Variants in EYS observed in about 807,000 individuals in gnomAD.
EYS encodes protein eyes shut homolog.
EYS carries 250 observed loss-of-function variants against 282.1 expected under a neutral mutation model. The observed-to-expected ratio is 0.89, with a 90% CI of 0.80 to 0.98. EYS has a LOEUF of 0.98. Ranked by LOEUF, EYS falls within the 50% of genes least tolerant of loss-of-function variation. EYS has a pLI of 0.00. For synonymous variants in EYS, 1,355 were observed against 1,282.9 expected (o/e 1.06, Z -1.20); for missense variants, 4,016 against 3,709.0 (o/e 1.08, Z -2.15).
At chr6:64,397,747 G>C (rs967452777) in intron 28 of EYS, among the ~76,000 whole-genome samples, 2 of 151,722 alleles carry the variant, frequency 1.3e-5, no homozygotes, top group Admixed American at 1.3e-4. Context: ...TCCATTCTCT[G>C]TTTTCTACTT....
At chr6:64,081,615 A>T (rs1771970975) in intron 32 of EYS, among the ~76,000 whole-genome samples, 1 of 152,192 alleles carries the variant, frequency 6.6e-6, no homozygotes, top group Admixed American at 6.6e-5. Context: ...TGTCAAATTC[A>T]TATGCTTGCT....
intron 14 of EYS, among the ~76,000 whole-genome samples, chr6:64,977,988 G>A (rs2150114772): frequency 6.6e-6 from 1 of 152,004 alleles, no homozygotes; most frequent in South Asian, 2.1e-4. Context: ...AGCAGCAAGT[G>A]ACAATAGAAG....
chr6:64,987,264 T>C (rs552404018), intron 14 of EYS, among the ~76,000 whole-genome samples: 5 of 151,588 alleles, frequency 3.3e-5, no homozygotes, highest in African/African-American at 9.6e-5. Flanking sequence ...CAGATAAGCA[T>C]TGGCTGGGTG....
chr6:65,496,601 T>C (rs1459756424), intron 2 of EYS, among the ~76,000 whole-genome samples: 2 of 152,034 alleles, frequency 1.3e-5, no homozygotes, highest in East Asian at 1.9e-4. Context: ...CACTTTCAAA[T>C]AGGTACACCA....
chr6:65,641,710 T>G (rs992689802), intron 1 of EYS, among the ~76,000 whole-genome samples: 2 of 152,184 alleles, frequency 1.3e-5, no homozygotes, highest in African/African-American at 4.8e-5. Flanking sequence ...AGCTATGAGG[T>G]CTATGCAATG....
At chr6:64,687,289 T>C (rs1032285419) in intron 22 of EYS, among the ~76,000 whole-genome samples, 1 of 152,122 alleles carries the variant, frequency 6.6e-6, no homozygotes, top group African/African-American at 2.4e-5. Context: ...TAAAAATTAT[T>C]ATATTAGAAA....
intron 36 of EYS, among the ~76,000 whole-genome samples, chr6:63,841,745 G>A (rs914484745): frequency 6.6e-6 from 1 of 152,100 alleles, no homozygotes; most frequent in African/African-American, 2.4e-5. Flanking sequence ...TTCTCCTAAT[G>A]CTATCCCTCC....
In EYS at chr6:64,018,557, C is replaced by T. The variant is rs186818908; in HGVS notation, c.6726-19374G>A. ...CTCAATTGAAATTTGATTTTGGTAACATTTTTGGTTTTCATATGCTGATGT... is the reference window on the plus strand; with the variant it reads ...CTCAATTGAAATTTGATTTTGGTAATATTTTTGGTTTTCATATGCTGATGT... On this transcript the variant is annotated intron_variant, in intron 33 of 42. Coordinates refer to ENST00000503581, the MANE Select transcript of EYS (RefSeq NM_001142800.2). Among the ~76,000 whole-genome samples the T allele has an allele frequency of 1.8e-3, 271 of 152,154 alleles. 4 individuals are homozygous for T. The Middle Eastern group carries it at 0.027, about 15-fold the overall frequency.
chr6:64,858,341 A>G (rs764932678), intron 19 of EYS, among the ~76,000 whole-genome samples: 1 of 152,100 alleles, frequency 6.6e-6, no homozygotes, highest in African/African-American at 2.4e-5. Context: ...AGCATCACTG[A>G]TTGGGGAGAC....
intron 32 of EYS, 41 bp from the exon 33 acceptor site, chr6:64,066,532 T>C: frequency 7.6e-7 from 1 of 1,308,610 alleles, no homozygotes. Context: ...ATTGTAGATT[T>C]ATATTTTATT....
At chr6:64,274,490 T>TTTTG (rs979851816) in intron 30 of EYS, among the ~76,000 whole-genome samples, 2 of 149,084 alleles carry the variant, frequency 1.3e-5, no homozygotes, top group African/African-American at 2.5e-5. Context: ...CGTTTTTTTT[T>TTTTG]TTTTTTTTTT....
intron 19 of EYS, among the ~76,000 whole-genome samples, chr6:64,826,354 TG>T (rs975876853): frequency 3.9e-5 from 6 of 151,976 alleles, no homozygotes; most frequent in Admixed American, 1.3e-4. Context: ...CAATAGTTTA[TG>T]TTTGAAATAA....
At chr6:64,545,170 C>T (rs913699015) in intron 26 of EYS, among the ~76,000 whole-genome samples, 8 of 152,148 alleles carry the variant, frequency 5.3e-5, no homozygotes, top group Non-Finnish European at 1.2e-4. Flanking sequence ...AGCTTATCCA[C>T]CATGATCAAG....
At chr6:64,126,395 C>G (rs1582307912) in intron 31 of EYS, among the ~76,000 whole-genome samples, 1 of 151,938 alleles carries the variant, frequency 6.6e-6, no homozygotes, top group Middle Eastern at 3.4e-3. Context: ...ATCAGTTTTC[C>G]TCTCAAGTCT....
chr6:65,122,722 G>A (rs1407379921), intron 12 of EYS, among the ~76,000 whole-genome samples: 1 of 151,984 alleles, frequency 6.6e-6, no homozygotes, highest in Non-Finnish European at 1.5e-5. Context: ...TAATTTTTGA[G>A]TCAAGTTTTC....
intron 13 of EYS, among the ~76,000 whole-genome samples, chr6:65,042,575 T>C (rs1336640712): frequency 6.6e-6 from 1 of 151,482 alleles, no homozygotes; most frequent in Non-Finnish European, 1.5e-5. Context: ...ACTACACATA[T>C]AAGAATTTTA....
chr6:64,901,745 A>G (rs962437622), intron 18 of EYS, among the ~76,000 whole-genome samples: 2 of 152,134 alleles, frequency 1.3e-5, no homozygotes, highest in Non-Finnish European at 2.9e-5. Context: ...TTAATATTAA[A>G]TATTGTATAA....
At chr6:64,493,166 C>A (rs1319922402) in intron 26 of EYS, among the ~76,000 whole-genome samples, 1 of 151,264 alleles carries the variant, frequency 6.6e-6, no homozygotes, top group Non-Finnish European at 1.5e-5. Context: ...ATTTCTGATT[C>A]AGAAGCCTTT....
chr6:64,094,566 A>G (rs1772509662), intron 31 of EYS, among the ~76,000 whole-genome samples: 1 of 152,038 alleles, frequency 6.6e-6, no homozygotes, highest in Non-Finnish European at 1.5e-5. Flanking sequence ...GTATTCTCTG[A>G]TGGTAGTTTG....
Sources: gnomAD v4.1 joint callset for allele counts (sites outside exome capture counted in the v4.1 genomes callset) on GRCh38, gnomAD v4.1.1 for gene constraint, MANE v1.5 for transcripts, NCBI Gene and HGNC (gene_info 2026-07-23, HGNC 2026-07-21) for gene names.